Variants in SYT7 observed in about 807,000 individuals in gnomAD.
SYT7 encodes synaptotagmin-7.
SYT7 carries 29 observed loss-of-function variants against 75.1 expected under a neutral mutation model. That is an observed-to-expected ratio of 0.39 (90% confidence interval 0.29 to 0.53). The LOEUF (loss-of-function observed/expected upper bound fraction) is 0.53. Ranked by LOEUF, SYT7 falls within the 20% of genes least tolerant of loss-of-function variation. SYT7 has a pLI of 0.77. For missense variants in SYT7, 693 were observed against 953.2 expected, an observed-to-expected ratio of 0.73 and a Z score of 3.59; for synonymous variants, 376 against 401.7, an observed-to-expected ratio of 0.94 and a Z score of 0.76.
chr11:61,518,593 G>A lies in SYT7; in HGVS notation c.*34C>T, dbSNP rs561002493. 6 of 1,467,688 alleles carry A rather than the reference G, an allele frequency of 4.1e-6. No homozygotes were observed. Among genetic ancestry groups the A allele is most frequent in the Non-Finnish European group, 5.5e-6 (6 of 1,086,940 alleles). The allele number at this position is 1,467,688 out of a possible 1,614,324, so 90.9% of individuals were successfully genotyped here. A position where few individuals can be genotyped will look rare whatever the true frequency, so the allele number is the denominator to read the frequency against. On this transcript the variant is annotated 3_prime_UTR_variant, in exon 13 of 13. Transcript: ENST00000539008. Reference sequence around the variant, plus strand: ...GTGGTGAGGGCATGATGGGGACCTGGGCCCTCGGCCCCCTGGGCCTCCCTT... The same window carrying A: ...GTGGTGAGGGCATGATGGGGACCTGAGCCCTCGGCCCCCTGGGCCTCCCTT...
Position 61,517,490 on chromosome 11 carries a change from G to T in SYT7, c.*1137C>A, listed in dbSNP as rs115999571. 1,076 of 399,036 alleles carry T rather than the reference G, an allele frequency of 2.7e-3. 13 individuals are homozygous for T. The highest frequency in any genetic ancestry group is 0.02 in the African/African-American group (993 of 48,678). 24.7% of individuals were successfully genotyped at this position (399,036 alleles called of 1,614,324 possible). ...ATCAGAGACCACGCACGATGAGACG[G>T]AATGAATGGAAGGTCTACAAGCATT... On this transcript the variant is annotated 3_prime_UTR_variant, in exon 13 of 13. Transcript: ENST00000539008.
At position 61,562,015 on chromosome 11, in the gene SYT7, C is replaced by T. The variant is rs760738138; in HGVS notation, c.32-5808G>A. 1.2e-4 allele frequency among the ~76,000 whole-genome samples: 18 copies of T among 151,520 alleles called. No individual in the cohort carries two copies. The East Asian group carries it at 1.4e-3, about 11-fold the overall frequency. ...GCTCTCTTTTACAAGTGTGTGTGCG[C>T]GCATGCACACACACATGCATGCACA... On this transcript the variant is annotated intron_variant, in intron 1 of 12. Coordinates refer to ENST00000539008, the MANE Select transcript of SYT7 (RefSeq NM_001365809.2).
In SYT7 at chr11:61,564,750, G is replaced by C. The variant is rs141459378; in HGVS notation, c.32-8543C>G. 3.9e-5 allele frequency among the ~76,000 whole-genome samples: 6 copies of C among 152,336 alleles called. No homozygotes were observed. In the East Asian group the frequency reaches 1.2e-3, roughly 29 times the overall value. ...ACCCTCCCAAGAATTTTACCAGTTA[G>C]AGCCATGCCCAAATTACCCCAGGTA... On this transcript the variant is annotated intron_variant, in intron 1 of 12. Transcript: ENST00000539008.
At chr11:61,534,422 C>T (rs577961036) in intron 7 of SYT7, among the ~76,000 whole-genome samples, 4 of 135,082 alleles carry the variant, frequency 3.0e-5, no homozygotes, top group African/African-American at 8.8e-5. Flanking sequence ...CGCACACATG[C>T]GCATACACAC....
At chr11:61,574,903 C>T (rs2064027966) in intron 1 of SYT7, among the ~76,000 whole-genome samples, 1 of 152,036 alleles carries the variant, frequency 6.6e-6, no homozygotes, top group South Asian at 2.1e-4. Context: ...TTTAATTGGA[C>T]ACATTAGCTG....
Position 61,551,007 on chromosome 11 carries a change from C to T in SYT7, c.215+377G>A, listed in dbSNP as rs987438928. On this transcript the variant is annotated intron_variant, in intron 3 of 12. Transcript: ENST00000539008. The surrounding 1 kb of genome is among the most constrained non-coding windows in gnomAD (Gnocchi z 5.3). ...GGGGCCCACTAGGGAGGGGCCTCCC[C>T]GGCCTAGCAGCAGGGGCCCCATGAG... is the stretch of plus-strand genomic sequence containing the variant. Among the ~76,000 whole-genome samples, 11 of 152,160 alleles carry T rather than the reference C, an allele frequency of 7.2e-5. No individual in the cohort carries two copies. Among genetic ancestry groups the T allele is most frequent in the South Asian group, 2.1e-4 (1 of 4,824 alleles).
Position 61,547,263 on chromosome 11 carries a change from C to A in SYT7, c.261G>T (p.Gln87His). ...DFWNNNESTV[Q>H]QKWSSYPPKE... Reference sequence around the variant, plus strand: ...TGGGAGGGTAGGAGCTCCATTTCTGCTGCACTGTGCTCTCATTGTTATTCC... The same window carrying A: ...TGGGAGGGTAGGAGCTCCATTTCTGATGCACTGTGCTCTCATTGTTATTCC... Residue 87 changes from glutamine to histidine, a missense_variant, in exon 4 of 13, where the codon CAG becomes CAT. By Grantham distance (24) the Gln-to-His change is conservative. Around this residue, in one of 2 missense-constraint regions of SYT7, gnomAD observed 487 missense variants for 593.2 expected, o/e 0.82. Transcript: ENST00000539008. 1.3e-6 allele frequency: 2 copies of A among 1,535,814 alleles called. No individual in the cohort carries two copies. The highest frequency in any genetic ancestry group is 1.2e-5 in the South Asian group (1 of 84,052).
chr11:61,552,374 G>A (rs917942049), intron 2 of SYT7, among the ~76,000 whole-genome samples: 2 of 152,148 alleles, frequency 1.3e-5, no homozygotes, highest in African/African-American at 2.4e-5. Flanking sequence ...GCAGTCGGGG[G>A]ACAGGGGCTG....
chr11:61,538,312 C>G, intron 6 of SYT7, 46 bp from the exon 7 acceptor site: 1 of 1,373,414 alleles, frequency 7.3e-7, no homozygotes, highest in South Asian at 1.3e-5. Context: ...ACGAGGAGGC[C>G]CCGTGGGCGG....
rs976180486 is a variant in SYT7 at position 61,553,297 on chromosome 11, C to A, written c.136-1834G>T. ...GGACCCTCAGGCAGGAGCCCCGCCCCACTATTCTCCAGCACACAGGCAGTG... is the reference window on the plus strand; with the variant it reads ...GGACCCTCAGGCAGGAGCCCCGCCCAACTATTCTCCAGCACACAGGCAGTG... On this transcript the variant is annotated intron_variant, in intron 2 of 12. Transcript: ENST00000539008. This position sits in a 1 kb window ranked among gnomAD's most constrained non-coding sequence, Gnocchi z 5.2. Among the ~76,000 whole-genome samples, 1 of 152,230 alleles carries A rather than the reference C, an allele frequency of 6.6e-6. No individual in the cohort carries two copies. Among genetic ancestry groups the A allele is most frequent in the African/African-American group, 2.4e-5 (1 of 41,468 alleles).
At position 61,528,166 on chromosome 11, in the gene SYT7, T is replaced by G. The variant is rs1192564393; in HGVS notation, c.1220A>C (p.Glu407Ala). ...EMLMLSPGSE[E>A]DEAHEGCSRE... ...GCTGCAACCCTCGTGGGCCTCATCC[T>G]CCTCGGAGCCTGGGGAGAGCTGGGG... The change falls in exon 9 of 13, where the codon GAG becomes GCG. Residue 407 changes from glutamate to alanine, a missense_variant. Glu to Ala is a moderately radical substitution (Grantham distance 107, BLOSUM62 -1). Coordinates refer to ENST00000539008, the MANE Select transcript of SYT7 (RefSeq NM_001365809.2). 6.2e-7 allele frequency: 1 copy of G among 1,611,998 alleles called. No homozygotes were observed. The highest frequency in any genetic ancestry group is 1.7e-5 in the Admixed American group (1 of 60,010).
chr11:61,542,463 G>C lies in SYT7; in HGVS notation c.689C>G (p.Pro230Arg). The change falls in exon 6 of 13, where the codon CCG becomes CGG. Residue 230 changes from proline (P) to arginine (R), a missense_variant. Transcript: ENST00000539008. This position sits in a 1 kb window ranked among gnomAD's most constrained non-coding sequence, Gnocchi z 7.8. Reference protein sequence around the residue: ...TLMRQQSLQQPLSQHQRGRQP... With the variant: ...TLMRQQSLQQRLSQHQRGRQP... ...CCGGCCCCGCTGGTGCTGGCTCAGC[G>C]GCTGTTGCAGGCTCTGCTGCCGCAT... 1 of 1,532,956 alleles carries C rather than the reference G, an allele frequency of 6.5e-7. No homozygotes were observed. The highest frequency in any genetic ancestry group is 8.7e-7 in the Non-Finnish European group (1 of 1,146,094). 95.0% of individuals were successfully genotyped at this position (1,532,956 alleles called of 1,614,324 possible). A position where few individuals can be genotyped will look rare whatever the true frequency, so the allele number is the denominator to read the frequency against.
chr11:61,573,428 T>G lies in SYT7; in HGVS notation c.31+7362A>C, dbSNP rs149321373. On this transcript the variant is annotated intron_variant, in intron 1 of 12. Coordinates refer to ENST00000539008, the MANE Select transcript of SYT7 (RefSeq NM_001365809.2). ...GCAGGGGTCCAGGCTGGCTGGACACTGCAGATCTCCTGGCAGAGGTAGGGA... is the reference window on the plus strand; with the variant it reads ...GCAGGGGTCCAGGCTGGCTGGACACGGCAGATCTCCTGGCAGAGGTAGGGA... 9.7e-3 allele frequency among the ~76,000 whole-genome samples: 1,470 copies of G among 152,304 alleles called. 26 individuals are homozygous for G. Among genetic ancestry groups the G allele is most frequent in the African/African-American group, 0.034 (1,411 of 41,552 alleles).
At position 61,576,116 on chromosome 11, in the gene SYT7, G is replaced by A. The variant is rs1167356498; in HGVS notation, c.31+4674C>T. Among the ~76,000 whole-genome samples, 3 of 152,204 alleles carry A rather than the reference G, an allele frequency of 2.0e-5. No homozygotes were observed. In the South Asian group the frequency reaches 6.2e-4, roughly 31 times the overall value. On this transcript the variant is annotated intron_variant, in intron 1 of 12. Coordinates refer to ENST00000539008, the MANE Select transcript of SYT7 (RefSeq NM_001365809.2). The surrounding 1 kb of genome is among the most constrained non-coding windows in gnomAD (Gnocchi z 4.1). ...AGGCCAAAGCTCTGGGCACAGTCCA[G>A]CCCTTTCCACAAGTCCCATGCTGTC... is the stretch of plus-strand genomic sequence containing the variant.
chr11:61,541,132 G>C (rs2063031632), intron 6 of SYT7: 1 of 985,404 alleles, frequency 1.0e-6, no homozygotes, highest in Admixed American at 6.1e-5. Context: ...TCTCAGAGGA[G>C]AGACAGGATG....
Position 61,547,327 on chromosome 11 carries a change from A to G in SYT7, c.216-19T>C, listed in dbSNP as rs1262349554. The G allele has an allele frequency of 1.3e-6, 2 of 1,534,730 alleles. No homozygotes were observed. Among genetic ancestry groups the G allele is most frequent in the Non-Finnish European group, 1.7e-6 (2 of 1,146,138 alleles). ...TAGATCACTGGAGGGGCAGAGAGAG[A>G]GGGGAGAAAACAGGGAGATACAAGA... On this transcript the variant is annotated intron_variant, in intron 3 of 12. Coordinates refer to ENST00000539008, the MANE Select transcript of SYT7 (RefSeq NM_001365809.2).
chr11:61,528,289 CCA>C, intron 8 of SYT7, 104 bp from the exon 9 acceptor site: 2 of 1,398,352 alleles, frequency 1.4e-6, no homozygotes, highest in Non-Finnish European at 1.9e-6. Context: ...GTGGCCCAGC[CCA>C]CACTCACATC....
chr11:61,558,796 G>A (rs901878040), intron 1 of SYT7, among the ~76,000 whole-genome samples: 1 of 152,094 alleles, frequency 6.6e-6, no homozygotes, highest in African/African-American at 2.4e-5. Context: ...AGGCTGGAGT[G>A]CAGTGGCATG....
At position 61,580,220 on chromosome 11, in the gene SYT7, C is replaced by T. The variant is rs72914264; in HGVS notation, c.31+570G>A. ...CCCTGCTCTCTTTCCCTTCAGGCAC[C>T]CCCGTCTCACCCATCAACGCCCCTG... On this transcript the variant is annotated intron_variant, in intron 1 of 12. Coordinates refer to ENST00000539008, the MANE Select transcript of SYT7 (RefSeq NM_001365809.2). This position sits in a 1 kb window ranked among gnomAD's most constrained non-coding sequence, Gnocchi z 6.1. Among the ~76,000 whole-genome samples, 4 of 152,046 alleles carry T rather than the reference C, an allele frequency of 2.6e-5. No individual in the cohort carries two copies. Among genetic ancestry groups the T allele is most frequent in the Non-Finnish European group, 5.9e-5 (4 of 67,956 alleles).
Sources: allele counts gnomAD v4.1 joint callset (sites outside exome capture counted in the v4.1 genomes callset), GRCh38; gene constraint gnomAD v4.1.1; regional missense constraint gnomAD v4.1.1; non-coding constraint Gnocchi (gnomAD v3.1); transcripts MANE v1.5; gene names NCBI Gene and HGNC (gene_info 2026-07-23, HGNC 2026-07-21).